Variants in KATNBL1 observed in about 807,000 individuals in gnomAD.
KATNBL1 encodes the protein KATNB1-like protein 1.
KATNBL1 carries 28 observed loss-of-function variants against 44.7 expected under a neutral mutation model. That is an observed-to-expected ratio of 0.63 (90% CI 0.46 to 0.86). The LOEUF (loss-of-function observed/expected upper bound fraction) is 0.86. Ranked by LOEUF, KATNBL1 falls within the 40% of genes least tolerant of loss-of-function variation. The pLI is 0.00. For synonymous variants in KATNBL1, 78 were observed against 114.9 expected, an observed-to-expected ratio of 0.68 and a Z score of 2.06; for missense variants, 272 against 350.7, an observed-to-expected ratio of 0.78 and a Z score of 1.79.
intron 7 of KATNBL1, 95 bp from the exon 8 acceptor site, chr15:34,146,945 C>A: frequency 1.3e-6 from 1 of 773,558 alleles, no homozygotes; most frequent in Non-Finnish European, 2.2e-6. Flanking sequence ...CACACACACA[C>A]ATTGGTCCCT....
intron 1 of KATNBL1, among the ~76,000 whole-genome samples, chr15:34,175,622 A>T (rs144337348): frequency 2.3e-3 from 348 of 152,362 alleles, no homozygotes; most frequent in African/African-American, 8.2e-3. Flanking sequence ...CTGTTGCACA[A>T]GCAATGAAAT....
chr15:34,172,253 A>ATCTTTT (rs1567527603), intron 1 of KATNBL1, among the ~76,000 whole-genome samples: 3 of 46,860 alleles, frequency 6.4e-5, no homozygotes, highest in African/African-American at 1.9e-4. Flanking sequence ...GGAGGAACAT[A>ATCTTTT]TTCTTTTTTT....
At chr15:34,206,985 A>AT (rs1890310619) in intron 1 of KATNBL1, among the ~76,000 whole-genome samples, 1 of 152,068 alleles carries the variant, frequency 6.6e-6, no homozygotes, top group Non-Finnish European at 1.5e-5. Context: ...AAACATCAAC[A>AT]TAATACTGAC....
intron 9 of KATNBL1, among the ~76,000 whole-genome samples, chr15:34,144,166 T>C (rs1888240910): frequency 6.6e-6 from 1 of 151,674 alleles, no homozygotes; most frequent in African/African-American, 2.4e-5. Flanking sequence ...AAGCTTCTGG[T>C]TGGTCACTGT....
intron 1 of KATNBL1, among the ~76,000 whole-genome samples, chr15:34,177,527 C>T (rs1470321020): frequency 6.6e-6 from 1 of 150,384 alleles, no homozygotes; most frequent in Non-Finnish European, 1.5e-5. Flanking sequence ...GCCTGTAATC[C>T]CAGCTACTTG....
chr15:34,146,651 G>T lies in KATNBL1; in HGVS notation c.788+110C>A, dbSNP rs556554357. The T allele has an allele frequency of 3.2e-5, 22 of 680,586 alleles. No individual in the cohort carries two copies. In the South Asian group the frequency reaches 3.5e-4, roughly 11 times the overall value. 42.2% of individuals were successfully genotyped at this position (680,586 alleles called of 1,614,324 possible). A position where few individuals can be genotyped will look rare whatever the true frequency, so the allele number is the denominator to read the frequency against. On this transcript the variant is annotated intron_variant, in intron 8 of 9. Transcript: ENST00000256544. The stretch of plus-strand genomic sequence containing the variant: ...GTTAGTATCTCTCTGAATATAAAAA[G>T]AATAAATACCATACACTGATGATAA...
Position 34,151,807 on chromosome 15 carries a change from C to T in KATNBL1, c.438+983G>A, listed in dbSNP as rs536922947. On this transcript the variant is annotated intron_variant, in intron 4 of 9. Transcript: ENST00000256544. The stretch of plus-strand genomic sequence containing the variant: ...AATATTTCTATCACTCTCAAAAACG[C>T]TTTTGAGTCTGTTAACCAGTTTTGC... 2.6e-5 allele frequency among the ~76,000 whole-genome samples: 4 copies of T among 152,200 alleles called. No homozygotes were observed. The South Asian group carries it at 8.3e-4, about 31-fold the overall frequency.
chr15:34,143,388 C>T (rs1888208986), intron 9 of KATNBL1, among the ~76,000 whole-genome samples: 1 of 151,822 alleles, frequency 6.6e-6, no homozygotes, highest in Non-Finnish European at 1.5e-5. Flanking sequence ...TCACTTGAAC[C>T]CAGGAGGCAG....
intron 2 of KATNBL1, among the ~76,000 whole-genome samples, chr15:34,161,104 G>A (rs188993194): frequency 2.0e-4 from 30 of 152,216 alleles, no homozygotes; most frequent in Admixed American, 1.6e-3. Flanking sequence ...CCACAAATCC[G>A]GACTCAACAC....
chr15:34,189,946 T>G (rs7180024), intron 1 of KATNBL1, among the ~76,000 whole-genome samples: 27,543 of 104,052 alleles, frequency 0.26, 2,875 homozygotes, highest in Middle Eastern at 0.42. Context: ...AGAAGTACAT[T>G]CTTTTTTTTT....
chr15:34,189,579 G>A (rs1302454732), intron 1 of KATNBL1, among the ~76,000 whole-genome samples: 1 of 152,064 alleles, frequency 6.6e-6, no homozygotes, highest in Non-Finnish European at 1.5e-5. Flanking sequence ...TATGATCATA[G>A]GTCACTATAA....
intron 1 of KATNBL1, 130 bp downstream of exon 1, chr15:34,209,821 G>A (rs543767298): frequency 1.3e-4 from 19 of 150,136 alleles, no homozygotes; most frequent in African/African-American, 1.7e-4. Flanking sequence ...GCTGCCGCGA[G>A]CCCGGCCGAG....
intron 1 of KATNBL1, among the ~76,000 whole-genome samples, chr15:34,193,554 T>C (rs1011923284): frequency 1.3e-5 from 2 of 151,664 alleles, no homozygotes; most frequent in African/African-American, 2.4e-5. Flanking sequence ...ATTAATTAAT[T>C]AAAATATCAC....
intron 1 of KATNBL1, among the ~76,000 whole-genome samples, chr15:34,177,643 A>AAAAAAAAAAAAAG (rs1889376851): frequency 6.6e-6 from 1 of 151,200 alleles, no homozygotes; most frequent in Non-Finnish European, 1.5e-5. Flanking sequence ...TAAAAAAAAA[A>AAAAAAAAAAAAAG]AGGATTAAAC....
chr15:34,149,675 T>C (rs11858527), intron 4 of KATNBL1, among the ~76,000 whole-genome samples: 17,111 of 152,304 alleles, frequency 0.11, 1,146 homozygotes, highest in Non-Finnish European at 0.15. Flanking sequence ...TCCGCCTGCC[T>C]TGGCCTCCCA....
chr15:34,181,502 A>C (rs1478674919), intron 1 of KATNBL1, among the ~76,000 whole-genome samples: 2 of 150,228 alleles, frequency 1.3e-5, no homozygotes, highest in Non-Finnish European at 3.0e-5. Context: ...ATTAATAATT[A>C]ATTTTTTAAA....
chr15:34,182,221 T>C (rs1281531380), intron 1 of KATNBL1, among the ~76,000 whole-genome samples: 3 of 152,138 alleles, frequency 2.0e-5, no homozygotes, highest in South Asian at 4.1e-4. Flanking sequence ...GATACAGTTT[T>C]CATCACTTTC....
At chr15:34,149,088 G>T (rs995689197) in intron 4 of KATNBL1, among the ~76,000 whole-genome samples, 2 of 152,178 alleles carry the variant, frequency 1.3e-5, no homozygotes, top group Non-Finnish European at 2.9e-5. Context: ...AATGGCAGGA[G>T]AATCACAAAA....
chr15:34,195,464 T>C (rs981035411), intron 1 of KATNBL1, among the ~76,000 whole-genome samples: 9 of 152,072 alleles, frequency 5.9e-5, no homozygotes, highest in African/African-American at 1.9e-4. Flanking sequence ...TGATGAAAGC[T>C]TGCTTGATGG....
Sources: gnomAD v4.1 joint callset for allele counts (sites outside exome capture counted in the v4.1 genomes callset) on GRCh38, gnomAD v4.1.1 for gene constraint, MANE v1.5 for transcripts, NCBI Gene and HGNC (gene_info 2026-07-23, HGNC 2026-07-21) for gene names.